Variants in ABCD3 observed in about 807,000 individuals in gnomAD.
The protein encoded by ABCD3 is ATP binding cassette subfamily D member 3.
In ABCD3, 41 loss-of-function variants were observed where a neutral mutation model predicts 105.5. The ratio of observed to expected loss-of-function variants is 0.39; its 90% CI spans 0.30 to 0.50. The LOEUF is 0.50. ABCD3 is among the 20% of genes least tolerant of loss of function. The pLI is 0.84. For missense variants in ABCD3, 622 were observed against 806.3 expected (o/e 0.77, Z 2.77); for synonymous variants, 258 against 269.0 (o/e 0.96, Z 0.40).
At chr1:94,493,833 C>T (rs1001649069) in intron 16 of ABCD3, among the ~76,000 whole-genome samples, 1 of 152,068 alleles carries the variant, frequency 6.6e-6, no homozygotes, top group Non-Finnish European at 1.5e-5. Context: ...TCTCAGTAAA[C>T]TATCGCAAGG....
the ABCD3 span, among the ~76,000 whole-genome samples, chr1:94,412,242 G>A: frequency 6.6e-6 from 1 of 152,102 alleles, no homozygotes; most frequent in Non-Finnish European, 1.5e-5. Flanking sequence ...ATTCAGTGAA[G>A]TCTTCCCACC....
At chr1:94,479,432 CT>C (rs4148068) in intron 8 of ABCD3, among the ~76,000 whole-genome samples, 4,729 of 143,744 alleles carry the variant, frequency 0.033, 88 homozygotes, top group Middle Eastern at 0.047. Flanking sequence ...ATCAGATTTA[CT>C]TTTTTTTTTT....
chr1:94,499,731 A>G (rs754883257), intron 20 of ABCD3, 117 bp downstream of exon 20: 19 of 1,282,156 alleles, frequency 1.5e-5, no homozygotes, highest in Admixed American at 9.7e-5. Flanking sequence ...AGTATGGATT[A>G]GTTTAAATTA....
chr1:94,473,039 A>T (rs996728002), intron 4 of ABCD3, among the ~76,000 whole-genome samples: 1 of 152,224 alleles, frequency 6.6e-6, no homozygotes, highest in African/African-American at 2.4e-5. Flanking sequence ...TATGTAAAAC[A>T]GATTAACAAC....
At chr1:94,445,125 T>A (rs373902061) in intron 1 of ABCD3, among the ~76,000 whole-genome samples, 11 of 152,350 alleles carry the variant, frequency 7.2e-5, no homozygotes, top group African/African-American at 2.6e-4. Flanking sequence ...AAACAATGCT[T>A]ATACTGGCTT....
upstream of ABCD3, among the ~76,000 whole-genome samples, chr1:94,415,152 C>T (rs1658974337): frequency 6.6e-6 from 1 of 152,198 alleles, no homozygotes; most frequent in South Asian, 2.1e-4. Context: ...CTTTTATAAT[C>T]TGGCCTTTGA....
intron 9 of ABCD3, 136 bp downstream of exon 9, chr1:94,480,742 A>G (rs1440832201): frequency 7.5e-6 from 7 of 937,986 alleles, no homozygotes; most frequent in Admixed American, 2.2e-5. Flanking sequence ...TACATTATGA[A>G]AGAGACTAGT....
intron 16 of ABCD3, among the ~76,000 whole-genome samples, chr1:94,497,132 G>A (rs560822851): frequency 1.3e-5 from 2 of 151,810 alleles, no homozygotes; most frequent in African/African-American, 2.4e-5. Context: ...TTCCTCACCC[G>A]CTCCCAAGTT....
At chr1:94,400,307 A>G in the ABCD3 span, among the ~76,000 whole-genome samples, 101 of 151,820 alleles carry the variant, frequency 6.7e-4, 1 homozygote, top group African/African-American at 2.3e-3. Flanking sequence ...CAGGAGGTTG[A>G]GGCAGGAGAA....
the ABCD3 span, among the ~76,000 whole-genome samples, chr1:94,387,853 C>A: frequency 1.2e-4 from 18 of 152,236 alleles, no homozygotes; most frequent in Admixed American, 7.8e-4. Context: ...TCCTCCTGGG[C>A]AATTAATTTT....
intron 22 of ABCD3, among the ~76,000 whole-genome samples, chr1:94,515,922 C>T (rs1344859510): frequency 6.9e-6 from 1 of 145,850 alleles, no homozygotes; most frequent in Non-Finnish European, 1.5e-5. Context: ...TCCTTCTTTT[C>T]CTTCCTAAAT....
chr1:94,393,020 G>A, the ABCD3 span, among the ~76,000 whole-genome samples: 4 of 152,072 alleles, frequency 2.6e-5, no homozygotes, highest in South Asian at 2.1e-4. Flanking sequence ...GCTGAGGCAG[G>A]AGAATCACTT....
At chr1:94,425,584 T>G (rs1420422611) in intron 1 of ABCD3, among the ~76,000 whole-genome samples, 1 of 152,222 alleles carries the variant, frequency 6.6e-6, no homozygotes, top group Non-Finnish European at 1.5e-5. Flanking sequence ...ATGAATTTCC[T>G]TAGTGTTTGT....
At chr1:94,399,526 A>C in the ABCD3 span, among the ~76,000 whole-genome samples, 1 of 152,222 alleles carries the variant, frequency 6.6e-6, no homozygotes, top group Non-Finnish European at 1.5e-5. Flanking sequence ...TATTTCACAC[A>C]TGAGAAAGTT....
chr1:94,431,548 A>T (rs1339651355), intron 1 of ABCD3, among the ~76,000 whole-genome samples: 1 of 152,168 alleles, frequency 6.6e-6, no homozygotes, highest in Non-Finnish European at 1.5e-5. Flanking sequence ...CCCTGATAAT[A>T]TTTTATTTAA....
chr1:94,491,806 A>G (rs1649547394), intron 16 of ABCD3, among the ~76,000 whole-genome samples: 1 of 152,122 alleles, frequency 6.6e-6, no homozygotes, highest in Non-Finnish European at 1.5e-5. Flanking sequence ...AGAAAAGACA[A>G]AAGATGAATG....
At chr1:94,515,425 T>G (rs1650872666) in intron 22 of ABCD3, among the ~76,000 whole-genome samples, 3 of 152,024 alleles carry the variant, frequency 2.0e-5, no homozygotes, top group African/African-American at 4.8e-5. Context: ...TAAGTGACTC[T>G]TATCTGTTAA....
intron 1 of ABCD3, among the ~76,000 whole-genome samples, chr1:94,436,098 A>C (rs1659891040): frequency 6.6e-6 from 1 of 152,120 alleles, no homozygotes; most frequent in Non-Finnish European, 1.5e-5. Context: ...GCTTCCTTTT[A>C]TTGGGAAATG....
At chr1:94,464,104 C>A (rs889841245) in intron 2 of ABCD3, among the ~76,000 whole-genome samples, 1 of 151,952 alleles carries the variant, frequency 6.6e-6, no homozygotes, top group African/African-American at 2.4e-5. Flanking sequence ...CCCTCATGAC[C>A]CTGTCTAGTC....
Sources: gnomAD v4.1 joint callset for allele counts (sites outside exome capture counted in the v4.1 genomes callset) on GRCh38, gnomAD v4.1.1 for gene constraint, MANE v1.5 for transcripts, NCBI Gene and HGNC (gene_info 2026-07-23, HGNC 2026-07-21) for gene names.